ANKS3: variants seen among roughly 807,000 people sequenced by gnomAD.
The protein encoded by ANKS3 is ankyrin repeat and SAM domain-containing protein 3.
ANKS3 carries 62 observed loss-of-function variants against 80.7 expected under a neutral mutation model. The ratio of observed to expected loss-of-function variants is 0.77; its 90% CI spans 0.63 to 0.95. ANKS3 has a LOEUF of 0.95. Ranked by LOEUF, ANKS3 falls within the 40% of genes least tolerant of loss-of-function variation. ANKS3 has a pLI of 0.00. For synonymous variants in ANKS3, 489 were observed against 355.3 expected, an observed-to-expected ratio of 1.38 and a Z score of -4.23; for missense variants, 1,150 against 883.6, an observed-to-expected ratio of 1.30 and a Z score of -3.82.
At chr16:4,733,751 C>A (rs895400689) in intron 1 of ANKS3, among the ~76,000 whole-genome samples, 187 bp downstream of exon 1, 12 of 152,188 alleles carry the variant, frequency 7.9e-5, no homozygotes, top group African/African-American at 2.9e-4. Flanking sequence ...TATACACCTA[C>A]TACGTACCCA....
intron 1 of ANKS3, among the ~76,000 whole-genome samples, chr16:4,733,345 G>T (rs1273723169): frequency 6.6e-6 from 1 of 151,642 alleles, no homozygotes; most frequent in East Asian, 1.9e-4. Context: ...AGGCTAGAGT[G>T]CAGCGGCGTG....
Position 4,702,151 on chromosome 16 carries a change from G to C in ANKS3, c.960C>G (p.Ser320=), listed in dbSNP as rs202152120. Residue 320 remains serine, a synonymous_variant, in exon 9 of 18, where the codon TCC becomes TCG. Transcript: ENST00000304283. ...EEGLCCRDVT[S]PINERDVESS... ...TCTCCACATCCCGCTCATTGATGGG[G>C]GAGGTGACATCCCGGCAGCAGAGGC... 6.3e-7 allele frequency: 1 copy of C among 1,596,836 alleles called. No homozygotes were observed. The highest frequency in any genetic ancestry group is 1.1e-5 in the South Asian group (1 of 89,616).
intron 3 of ANKS3, among the ~76,000 whole-genome samples, chr16:4,728,493 T>C (rs968625193): frequency 6.6e-6 from 1 of 152,108 alleles, no homozygotes; most frequent in Non-Finnish European, 1.5e-5. Flanking sequence ...TGCATGGAGA[T>C]GCCTCTGCAG....
intron 8 of ANKS3, among the ~76,000 whole-genome samples, chr16:4,704,658 T>G (rs116968402): frequency 0.016 from 2,422 of 152,306 alleles, 33 homozygotes; most frequent in Non-Finnish European, 0.025. Flanking sequence ...TTCATCGCCC[T>G]GAGAAAACAG....
intron 6 of ANKS3, among the ~76,000 whole-genome samples, chr16:4,715,085 A>G (rs2080722423): frequency 6.6e-6 from 1 of 151,726 alleles, no homozygotes; most frequent in Admixed American, 6.6e-5. Context: ...TCAGGGGGAT[A>G]AGCAGTCAGT....
intron 6 of ANKS3, among the ~76,000 whole-genome samples, chr16:4,718,073 C>A (rs903135443): frequency 6.6e-6 from 1 of 150,392 alleles, no homozygotes; most frequent in African/African-American, 2.4e-5. Context: ...CCATGCCTGG[C>A]CAATTTTTTT....
chr16:4,703,549 T>G (rs2080030848), intron 8 of ANKS3, among the ~76,000 whole-genome samples: 1 of 151,608 alleles, frequency 6.6e-6, no homozygotes, highest in African/African-American at 2.4e-5. Flanking sequence ...GCCTCCCGAG[T>G]AGCTGGGATT....
At chr16:4,706,888 C>G (rs1250345470) in intron 7 of ANKS3, among the ~76,000 whole-genome samples, 2 of 152,174 alleles carry the variant, frequency 1.3e-5, no homozygotes, top group African/African-American at 4.8e-5. Context: ...GCTGCTCGCT[C>G]AGGTGCAAAC....
At chr16:4,733,697 G>A (rs1021194631) in intron 1 of ANKS3, among the ~76,000 whole-genome samples, 5 of 152,094 alleles carry the variant, frequency 3.3e-5, no homozygotes, top group East Asian at 3.9e-4. Flanking sequence ...TGATTATTAC[G>A]AACTGCATGC....
At chr16:4,714,632 G>A (rs191605682) in intron 6 of ANKS3, among the ~76,000 whole-genome samples, 7 of 152,326 alleles carry the variant, frequency 4.6e-5, no homozygotes, top group African/African-American at 1.7e-4. Flanking sequence ...GTCTTGCAGC[G>A]CAACAATTCC....
At chr16:4,728,459 G>C (rs565737241) in intron 3 of ANKS3, among the ~76,000 whole-genome samples, 1 of 152,150 alleles carries the variant, frequency 6.6e-6, no homozygotes, top group African/African-American at 2.4e-5. Flanking sequence ...CCAGGGTTCA[G>C]TGGCAGCCCC....
intron 6 of ANKS3, among the ~76,000 whole-genome samples, chr16:4,724,320 C>T (rs1191389889): frequency 6.6e-6 from 1 of 152,162 alleles, no homozygotes; most frequent in Admixed American, 6.5e-5. Context: ...AAACACAAAG[C>T]AATGTGCACA....
chr16:4,704,993 C>G, intron 8 of ANKS3, 102 bp downstream of exon 8: 1 of 1,486,568 alleles, frequency 6.7e-7, no homozygotes, highest in Non-Finnish European at 9.0e-7. Context: ...ACCTGAGGTC[C>G]AGCGACCCAC....
intron 11 of ANKS3, 92 bp from the exon 12 acceptor site, chr16:4,699,268 G>C: frequency 1.3e-6 from 2 of 1,505,522 alleles, no homozygotes; most frequent in Non-Finnish European, 1.8e-6. Context: ...ACTTCCCCAG[G>C]CTCAGAACCA....
chr16:4,702,382 G>T, intron 8 of ANKS3, 140 bp from the exon 9 acceptor site: 1 of 906,844 alleles, frequency 1.1e-6, no homozygotes, highest in Non-Finnish European at 1.5e-6. Flanking sequence ...GGCTCTATCT[G>T]TGGTGTGTGG....
chr16:4,729,543 T>C (rs938256494), intron 3 of ANKS3: 1 of 152,200 alleles, frequency 6.6e-6, no homozygotes, highest in African/African-American at 2.4e-5. Context: ...ATATTTTTAG[T>C]AGAGATGGGG....
At chr16:4,701,871 C>A in intron 9 of ANKS3, 1 of 526,244 alleles carries the variant, frequency 1.9e-6, no homozygotes, top group South Asian at 3.4e-5. Flanking sequence ...GGCTCCCAAG[C>A]AAGGAGCTAA....
rs1369445798 is a variant in ANKS3, at chr16:4,714,152, G to A, written c.608C>T (p.Ala203Val). The change falls in exon 7 of 18, where the codon GCC (alanine) becomes GTC (valine). Residue 203 changes from alanine to valine, a missense_variant. Coordinates refer to ENST00000304283, the MANE Select transcript of ANKS3 (RefSeq NM_133450.4). ...CTGCTTGGCCAGCATCCGGGCTGTG[G>A]CTCCACTGTGGTCTCTCGCGTCCAC... ...VKVDARDHSG[A>V]TARMLAKQYG... 1.9e-6 allele frequency: 3 copies of A among 1,614,158 alleles called. No homozygotes were observed. The highest frequency in any genetic ancestry group is 1.1e-5 in the South Asian group (1 of 91,080).
At chr16:4,711,960 G>A (rs1235215197) in intron 7 of ANKS3, among the ~76,000 whole-genome samples, 1 of 152,094 alleles carries the variant, frequency 6.6e-6, no homozygotes, top group Non-Finnish European at 1.5e-5. Flanking sequence ...TCTAAGACCA[G>A]GTAGCACTAA....
Sources: gnomAD v4.1 joint callset for allele counts (sites outside exome capture counted in the v4.1 genomes callset) on GRCh38, gnomAD v4.1.1 for gene constraint, MANE v1.5 for transcripts, NCBI Gene and HGNC (gene_info 2026-07-23, HGNC 2026-07-21) for gene names.